Variants in SGCG observed in about 807,000 individuals in gnomAD.
SGCG encodes the protein gamma-sarcoglycan.
In SGCG, 26 loss-of-function variants were observed where a neutral mutation model predicts 29.3. The observed-to-expected ratio is 0.89, with a 90% CI of 0.65 to 1.23. The LOEUF (loss-of-function observed/expected upper bound fraction) is 1.23, where lower values mean the gene tolerates loss of function less well. SGCG is among the 50% of genes most tolerant of loss of function. The pLI, the probability that SGCG is intolerant of heterozygous loss-of-function variation, is 0.00. For missense variants in SGCG, 353 were observed against 356.0 expected (o/e 0.99, Z 0.07); for synonymous variants, 145 against 129.7 (o/e 1.12, Z -0.80).
chr13:23,275,463 A>C (rs911715159), intron 4 of SGCG, among the ~76,000 whole-genome samples: 1 of 151,246 alleles, frequency 6.6e-6, no homozygotes, highest in Non-Finnish European at 1.5e-5. Flanking sequence ...AGATCATGCC[A>C]CTGCACTCCA....
chr13:23,304,286 T>A (rs1007855454), intron 6 of SGCG, among the ~76,000 whole-genome samples: 1 of 152,194 alleles, frequency 6.6e-6, no homozygotes, highest in Non-Finnish European at 1.5e-5. Flanking sequence ...TAAGTTTGAA[T>A]TTAACATGTT....
intron 5 of SGCG, among the ~76,000 whole-genome samples, chr13:23,286,277 C>G (rs991559518): frequency 6.6e-6 from 1 of 152,150 alleles, no homozygotes; most frequent in Non-Finnish European, 1.5e-5. Flanking sequence ...AATTAAATTG[C>G]ATGTCTTGCA....
At chr13:23,191,297 C>T (rs1202940896) in intron 1 of SGCG, among the ~76,000 whole-genome samples, 1 of 151,962 alleles carries the variant, frequency 6.6e-6, no homozygotes, top group Non-Finnish European at 1.5e-5. Flanking sequence ...TTCCCGAGAG[C>T]TTTAGTAAGA....
At chr13:23,179,677 A>C (rs1478177452), upstream of SGCG, among the ~76,000 whole-genome samples, 1 of 152,208 alleles carries the variant, frequency 6.6e-6, no homozygotes, top group African/African-American at 2.4e-5. Flanking sequence ...AAGGTTTTAA[A>C]ATGTCTTACA....
intron 5 of SGCG, among the ~76,000 whole-genome samples, chr13:23,280,727 G>A (rs578146583): frequency 9.2e-5 from 14 of 152,322 alleles, no homozygotes; most frequent in African/African-American, 1.7e-4. Context: ...TTCTAAAAGT[G>A]AGTTGATAAT....
chr13:23,183,643 A>G (rs558350677), intron 1 of SGCG, among the ~76,000 whole-genome samples: 22 of 152,228 alleles, frequency 1.4e-4, no homozygotes, highest in Middle Eastern at 3.4e-3. Flanking sequence ...GATTGTAACG[A>G]AAACTTTATA....
At chr13:23,235,418 T>G (rs1330180408) in intron 3 of SGCG, among the ~76,000 whole-genome samples, 1 of 152,130 alleles carries the variant, frequency 6.6e-6, no homozygotes, top group Admixed American at 6.6e-5. Flanking sequence ...TGTATTATGT[T>G]CTGCACTTAT....
At chr13:23,162,621 G>A in the SGCG span, among the ~76,000 whole-genome samples, 3 of 151,802 alleles carry the variant, frequency 2.0e-5, no homozygotes, top group Non-Finnish European at 4.4e-5. Flanking sequence ...GCACGACTCC[G>A]TCTCTTAAAA....
At chr13:23,199,319 G>C (rs77489747) in intron 1 of SGCG, among the ~76,000 whole-genome samples, 2 of 152,038 alleles carry the variant, frequency 1.3e-5, no homozygotes, top group Admixed American at 1.3e-4. Context: ...TTTTGTAAAG[G>C]GTTTATAAGA....
intron 3 of SGCG, among the ~76,000 whole-genome samples, chr13:23,236,709 T>C (rs1391960872): frequency 6.7e-6 from 1 of 150,110 alleles, no homozygotes; most frequent in East Asian, 1.9e-4. Context: ...TAATAATAAC[T>C]CTCAGTTATA....
chr13:23,217,813 C>T (rs1270644263), intron 2 of SGCG, among the ~76,000 whole-genome samples: 1 of 151,916 alleles, frequency 6.6e-6, no homozygotes. Flanking sequence ...GGATTTATAT[C>T]CATTCCATTT....
intron 2 of SGCG, among the ~76,000 whole-genome samples, chr13:23,223,146 C>T (rs7318241): frequency 0.017 from 2,588 of 151,988 alleles, 30 homozygotes; most frequent in Middle Eastern, 0.027. Flanking sequence ...GGTGTGGTGG[C>T]GGGCGCCTGT....
At chr13:23,166,322 A>G in the SGCG span, among the ~76,000 whole-genome samples, 4 of 151,984 alleles carry the variant, frequency 2.6e-5, no homozygotes, top group East Asian at 5.8e-4. Flanking sequence ...CAGTCTCCCG[A>G]GTAGCTGGGA....
chr13:23,236,463 G>A (rs748136671), intron 3 of SGCG, among the ~76,000 whole-genome samples: 14 of 152,008 alleles, frequency 9.2e-5, no homozygotes, highest in Non-Finnish European at 1.6e-4. Flanking sequence ...AGATCACAAG[G>A]TCAGGAGATC....
intron 2 of SGCG, among the ~76,000 whole-genome samples, chr13:23,225,942 C>A (rs1050441077): frequency 1.3e-5 from 2 of 152,162 alleles, no homozygotes; most frequent in Non-Finnish European, 2.9e-5. Flanking sequence ...TTTGTACCTT[C>A]CTTCCCCTAC....
At chr13:23,162,545 G>C in the SGCG span, among the ~76,000 whole-genome samples, 1 of 152,198 alleles carries the variant, frequency 6.6e-6, no homozygotes, top group African/African-American at 2.4e-5. Flanking sequence ...AGAATGGCGT[G>C]AACCCGGGAG....
intron 4 of SGCG, among the ~76,000 whole-genome samples, chr13:23,274,494 C>G (rs1214720049): frequency 6.7e-6 from 1 of 149,832 alleles, no homozygotes; most frequent in African/African-American, 2.5e-5. Flanking sequence ...GCTCCACCCC[C>G]CAGGTGCAAG....
chr13:23,263,799 C>T (rs912177056), intron 4 of SGCG, among the ~76,000 whole-genome samples: 2 of 152,018 alleles, frequency 1.3e-5, no homozygotes, highest in African/African-American at 4.8e-5. Flanking sequence ...TTTGATTCGT[C>T]ACCTAAACAG....
At chr13:23,291,065 G>A (rs370458894) in intron 5 of SGCG, among the ~76,000 whole-genome samples, 2 of 152,108 alleles carry the variant, frequency 1.3e-5, no homozygotes, top group East Asian at 1.9e-4. Context: ...GATCCAGAAG[G>A]GAAGAATGGT....
Sources: allele counts gnomAD v4.1 joint callset (sites outside exome capture counted in the v4.1 genomes callset), GRCh38; gene constraint gnomAD v4.1.1; transcripts MANE v1.5; gene names NCBI Gene and HGNC (gene_info 2026-07-23, HGNC 2026-07-21).